The following VPS35L variants were observed in gnomAD, a reference collection of about 807,000 sequenced individuals.
VPS35L encodes the protein VPS35 endosomal protein-sorting factor-like.
Under a neutral mutation model 133.0 loss-of-function variants are expected in VPS35L, and 83 were observed. That is an observed-to-expected ratio of 0.62 (90% CI 0.52 to 0.75). The LOEUF is 0.75. VPS35L is among the 30% of genes least tolerant of loss of function. VPS35L has a pLI of 0.00. For synonymous variants in VPS35L, 423 were observed against 449.9 expected (o/e 0.94, Z 0.76); for missense variants, 1,083 against 1,206.8 (o/e 0.90, Z 1.52).
intron 6 of VPS35L, among the ~76,000 whole-genome samples, chr16:19,581,171 G>A (rs1048701588): frequency 1.2e-4 from 19 of 152,062 alleles, no homozygotes; most frequent in Non-Finnish European, 1.3e-4. Flanking sequence ...CACACAGGGG[G>A]CCCACAGTTG....
chr16:19,650,478 G>A lies in VPS35L; in HGVS notation c.2106+19G>A, dbSNP rs373587284. ...TGTCCGGGTATGTTCTTAAGATAAG[G>A]ACTGTTGGACCTCGAACTCCAGTGG... On this transcript the variant is annotated intron_variant, in intron 25 of 30. Transcript: ENST00000417362. 58 of 1,597,706 alleles carry A rather than the reference G, an allele frequency of 3.6e-5. No homozygotes were observed. Among genetic ancestry groups the A allele is most frequent in the Non-Finnish European group, 4.5e-5 (52 of 1,165,282 alleles).
At chr16:19,664,573 A>G (rs1974597871) in intron 26 of VPS35L, among the ~76,000 whole-genome samples, 1 of 151,758 alleles carries the variant, frequency 6.6e-6, no homozygotes, top group South Asian at 2.1e-4. Flanking sequence ...TGGAAATATA[A>G]GCAGAAAAAA....
intron 8 of VPS35L, among the ~76,000 whole-genome samples, chr16:19,596,367 T>C (rs555754098): frequency 1.3e-4 from 20 of 151,942 alleles, no homozygotes; most frequent in Non-Finnish European, 2.4e-4. Context: ...CTTGATCTCC[T>C]TGACCCAAAG....
chr16:19,636,855 A>G (rs1300521000), intron 19 of VPS35L, among the ~76,000 whole-genome samples: 2 of 152,214 alleles, frequency 1.3e-5, no homozygotes, highest in Non-Finnish European at 2.9e-5. Flanking sequence ...GAGGGGCGGT[A>G]ACCATCAGTA....
chr16:19,615,674 G>GA (rs368287104), intron 12 of VPS35L, among the ~76,000 whole-genome samples: 17 of 143,020 alleles, frequency 1.2e-4, no homozygotes, highest in South Asian at 2.2e-4. Flanking sequence ...AACAGATAAG[G>GA]AAAAAAAAAA....
At chr16:19,616,548 A>G in intron 13 of VPS35L, 138 bp from the exon 14 acceptor site, 1 of 1,218,676 alleles carries the variant, frequency 8.2e-7, no homozygotes, top group Non-Finnish European at 1.1e-6. Context: ...TAAAAAAAAA[A>G]AACAACCGAG....
At position 19,633,023 on chromosome 16, in the gene VPS35L, C is replaced by T; in HGVS notation, c.1555-69C>T. 2.5e-6 allele frequency: 3 copies of T among 1,201,038 alleles called. No individual in the cohort carries two copies. Among genetic ancestry groups the T allele is most frequent in the Non-Finnish European group, 3.7e-6 (3 of 806,108 alleles). 74.4% of individuals were successfully genotyped at this position (1,201,038 alleles called of 1,614,324 possible). On this transcript the variant is annotated intron_variant, in intron 18 of 30. Transcript: ENST00000417362. This position sits in a 1 kb window ranked among gnomAD's most constrained non-coding sequence, Gnocchi z 4.1. The stretch of plus-strand genomic sequence containing the variant: ...TATATTCTGAATACGTTAGTCCTTT[C>T]CCCCAGGAACATGGTCAGCAGTTGC...
chr16:19,666,441 C>T (rs540956171), intron 26 of VPS35L, among the ~76,000 whole-genome samples: 10 of 152,264 alleles, frequency 6.6e-5, no homozygotes, highest in African/African-American at 2.4e-4. Flanking sequence ...GATTTGATTT[C>T]TAATTACTTA....
At chr16:19,603,889 A>G (rs551850726) in intron 9 of VPS35L, among the ~76,000 whole-genome samples, 1 of 151,952 alleles carries the variant, frequency 6.6e-6, no homozygotes, top group African/African-American at 2.4e-5. Context: ...GCACCACCAC[A>G]CCCAGCTAAT....
intron 6 of VPS35L, among the ~76,000 whole-genome samples, chr16:19,580,820 C>A (rs190500672): frequency 1.5e-4 from 23 of 152,220 alleles, no homozygotes; most frequent in African/African-American, 5.1e-4. Context: ...TCTTTGTTAC[C>A]ATATTTTTTC....
intron 8 of VPS35L, among the ~76,000 whole-genome samples, chr16:19,598,887 T>G (rs1399119710): frequency 1.3e-5 from 2 of 151,942 alleles, no homozygotes; most frequent in Admixed American, 1.3e-4. Flanking sequence ...AATAAAGGTG[T>G]TTTGTGCTGG....
At position 19,568,431 on chromosome 16, in the gene VPS35L, C is replaced by T. The variant is rs566905151; in HGVS notation, c.118-993C>T. ...TCATGTTTTTTTTTTTTTGAGGCAT[C>T]GTTGCATAGGCATGATTGATTATTC... On this transcript the variant is annotated intron_variant, in intron 2 of 30. Coordinates refer to ENST00000417362, the MANE Select transcript of VPS35L (RefSeq NM_020314.7). 3.4e-5 allele frequency among the ~76,000 whole-genome samples: 5 copies of T among 148,792 alleles called. No homozygotes were observed. The South Asian group carries it at 8.5e-4, about 25-fold the overall frequency.
intron 11 of VPS35L, 59 bp downstream of exon 11, chr16:19,609,080 A>C: frequency 7.1e-7 from 1 of 1,418,380 alleles, no homozygotes; most frequent in Non-Finnish European, 1.0e-6. Flanking sequence ...CCATGTGTAC[A>C]CAGATAGTAA....
At chr16:19,632,908 G>C (rs1206851074) in intron 18 of VPS35L, among the ~76,000 whole-genome samples, 184 bp from the exon 19 acceptor site, 1 of 152,236 alleles carries the variant, frequency 6.6e-6, no homozygotes, top group Non-Finnish European at 1.5e-5. Flanking sequence ...GTGTGGGGCT[G>C]TGGTACTAGA....
chr16:19,617,545 T>C (rs1972936029), intron 14 of VPS35L: 1 of 152,244 alleles, frequency 6.6e-6, no homozygotes, highest in Non-Finnish European at 1.5e-5. Context: ...AGATGCTTAA[T>C]TTCTTTTATA....
intron 12 of VPS35L, among the ~76,000 whole-genome samples, chr16:19,612,862 A>G (rs1972769354): frequency 6.6e-6 from 1 of 152,190 alleles, no homozygotes; most frequent in African/African-American, 2.4e-5. Context: ...CACAGTGACA[A>G]TGAGGAGAAG....
At chr16:19,637,333 A>T (rs1285867755) in intron 19 of VPS35L, among the ~76,000 whole-genome samples, 1 of 152,076 alleles carries the variant, frequency 6.6e-6, no homozygotes, top group Non-Finnish European at 1.5e-5. Flanking sequence ...TGAGACTGAG[A>T]CTCAGTTACT....
chr16:19,666,872 TTTTCTTTCTTTCTTTCTTTC>T (rs551438290), intron 26 of VPS35L, among the ~76,000 whole-genome samples: 11 of 106,342 alleles, frequency 1.0e-4, no homozygotes, highest in South Asian at 3.6e-4. Flanking sequence ...AGGGCCATGT[TTTTCTTTCTTTCTTTCTTTC>T]TTTCTTTCTT....
At chr16:19,600,068 AAGGTATTT>A (rs1972333205) in intron 8 of VPS35L, among the ~76,000 whole-genome samples, 1 of 152,108 alleles carries the variant, frequency 6.6e-6, no homozygotes, top group African/African-American at 2.4e-5. Context: ...TGTAGATAGG[AAGGTATTT>A]AGGTAGGTGG....
Sources: allele counts gnomAD v4.1 joint callset (sites outside exome capture counted in the v4.1 genomes callset), GRCh38; gene constraint gnomAD v4.1.1; non-coding constraint Gnocchi (gnomAD v3.1); transcripts MANE v1.5; gene names NCBI Gene and HGNC (gene_info 2026-07-23, HGNC 2026-07-21).